Variants in C4orf51 observed in about 807,000 individuals in gnomAD.
C4orf51 encodes the protein chromosome 4 open reading frame 51.
In C4orf51, 25 loss-of-function variants were observed where a neutral mutation model predicts 25.2. The observed-to-expected ratio is 0.99, with a 90% CI of 0.72 to 1.39. The LOEUF (loss-of-function observed/expected upper bound fraction) is 1.39, where lower values mean the gene tolerates loss of function less well. C4orf51 is among the 40% of genes most tolerant of loss of function. The pLI is 0.00. For missense variants in C4orf51, 252 were observed against 239.6 expected (o/e 1.05, Z -0.34); for synonymous variants, 100 against 84.5 (o/e 1.18, Z -1.01).
intron 1 of C4orf51, among the ~76,000 whole-genome samples, chr4:145,738,498 C>A (rs1243272117): frequency 6.6e-6 from 1 of 151,574 alleles, no homozygotes; most frequent in Non-Finnish European, 1.5e-5. Context: ...ACACTCCCTT[C>A]TTTGGTGTTT....
the C4orf51 span, among the ~76,000 whole-genome samples, chr4:145,788,184 G>T: frequency 1.3e-5 from 2 of 152,082 alleles, no homozygotes; most frequent in Admixed American, 1.3e-4. Context: ...TTAGTGCTAG[G>T]TAACAGCTTA....
At chr4:145,764,806 C>T in intron 1 of C4orf51, 2 of 757,770 alleles carry the variant, frequency 2.6e-6, no homozygotes. Flanking sequence ...TCTGTTGACA[C>T]CCTAGGGGGA....
At chr4:145,788,321 T>C in the C4orf51 span, among the ~76,000 whole-genome samples, 1 of 152,202 alleles carries the variant, frequency 6.6e-6, no homozygotes, top group Admixed American at 6.5e-5. Context: ...AAATGGCTAG[T>C]ACTAGGTGCC....
intron 2 of C4orf51, among the ~76,000 whole-genome samples, chr4:145,723,678 A>G (rs1467262558): frequency 6.6e-6 from 1 of 152,264 alleles, no homozygotes; most frequent in African/African-American, 2.4e-5. Flanking sequence ...GTTGGTAATT[A>G]CAAAGATATT....
chr4:145,736,332 ACT>A (rs1371277356), downstream of C4orf51, among the ~76,000 whole-genome samples: 3 of 149,882 alleles, frequency 2.0e-5, no homozygotes, highest in African/African-American at 7.4e-5. Flanking sequence ...TGCTTTTGAA[ACT>A]CTTTCCTTCC....
In C4orf51 at chr4:145,765,865, G is replaced by T; in HGVS notation, n.167-5123G>T. ...CTGGGGGCACAGGCTCATGTCCCCAGCTCCCCCACTGCTGGGGGATCCCAG... is the reference window on the plus strand; with the variant it reads ...CTGGGGGCACAGGCTCATGTCCCCATCTCCCCCACTGCTGGGGGATCCCAG... On this transcript the variant is annotated intron_variant and non_coding_transcript_variant, in intron 1 of 1. Transcript: ENST00000510096. The surrounding 1 kb of genome is among the most constrained non-coding windows in gnomAD (Gnocchi z 4.7). 1.1e-6 allele frequency: 1 copy of T among 930,486 alleles called. No individual in the cohort carries two copies. The highest frequency in any genetic ancestry group is 1.6e-6 in the Non-Finnish European group (1 of 639,728). 57.6% of individuals were successfully genotyped at this position (930,486 alleles called of 1,614,324 possible). A position where few individuals can be genotyped will look rare whatever the true frequency, so the allele number is the denominator to read the frequency against.
downstream of C4orf51, among the ~76,000 whole-genome samples, chr4:145,756,348 C>CTAAT (rs1733951883): frequency 6.6e-6 from 1 of 152,098 alleles, no homozygotes; most frequent in Non-Finnish European, 1.5e-5. Flanking sequence ...GGAGAAATAT[C>CTAAT]TAATTGTGCT....
At chr4:145,702,891 T>G (rs867555422) in intron 2 of C4orf51, among the ~76,000 whole-genome samples, 34 of 151,814 alleles carry the variant, frequency 2.2e-4, no homozygotes, top group African/African-American at 8.2e-4. Context: ...CCCTTCAGCT[T>G]AATCTCTCCC....
chr4:145,683,692 C>T (rs938545682), intron 1 of C4orf51, among the ~76,000 whole-genome samples: 1 of 152,198 alleles, frequency 6.6e-6, no homozygotes, highest in African/African-American at 2.4e-5. Context: ...TAGACATCCA[C>T]ATGCCAAAAA....
At chr4:145,712,711 T>C (rs1044170998) in intron 2 of C4orf51, among the ~76,000 whole-genome samples, 2 of 152,220 alleles carry the variant, frequency 1.3e-5, no homozygotes, top group East Asian at 1.9e-4. Flanking sequence ...AAGACATAGC[T>C]AAGGTAATTA....
At chr4:145,770,563 ATAT>A (rs1388217685) in intron 1 of C4orf51, among the ~76,000 whole-genome samples, 2 of 151,628 alleles carry the variant, frequency 1.3e-5, no homozygotes, top group African/African-American at 2.4e-5. Flanking sequence ...ATTATAGAAA[ATAT>A]TATTATTCTA....
At chr4:145,701,517 G>A (rs1040566254) in intron 2 of C4orf51, among the ~76,000 whole-genome samples, 4 of 151,792 alleles carry the variant, frequency 2.6e-5, no homozygotes, top group South Asian at 2.1e-4. Context: ...CTGGAACTCT[G>A]GCCCAAGGCT....
At chr4:145,753,886 C>G (rs1271556884) in intron 1 of C4orf51, among the ~76,000 whole-genome samples, 1 of 152,206 alleles carries the variant, frequency 6.6e-6, no homozygotes, top group Non-Finnish European at 1.5e-5. Context: ...ATAACACACC[C>G]CCAATATGGG....
At chr4:145,746,895 G>A (rs1416181303) in intron 1 of C4orf51, among the ~76,000 whole-genome samples, 1 of 151,922 alleles carries the variant, frequency 6.6e-6, no homozygotes, top group Non-Finnish European at 1.5e-5. Flanking sequence ...TTGCATTAAG[G>A]TTTTATAATT....
chr4:145,772,249 T>G (rs958239883), downstream of C4orf51, among the ~76,000 whole-genome samples: 1 of 152,206 alleles, frequency 6.6e-6, no homozygotes, highest in Non-Finnish European at 1.5e-5. Flanking sequence ...TAGGGCCTGC[T>G]CCAGGTGCTG....
At chr4:145,779,169 T>C in the C4orf51 span, among the ~76,000 whole-genome samples, 1 of 152,264 alleles carries the variant, frequency 6.6e-6, no homozygotes, top group East Asian at 1.9e-4. Context: ...TCATCGGTCC[T>C]ACCTGGAACT....
Position 145,761,113 on chromosome 4 carries a change from ACCAGGAGCGGGGCCC to A in C4orf51, n.167-9872_167-9858del. The A allele has an allele frequency of 7.8e-7, 1 of 1,289,552 alleles. No homozygotes were observed. Among genetic ancestry groups the A allele is most frequent in the Non-Finnish European group, 1.0e-6 (1 of 988,700 alleles). The allele number at this position is 1,289,552 out of a possible 1,614,324, so 79.9% of individuals were successfully genotyped here. On this transcript the variant is annotated intron_variant and non_coding_transcript_variant, in intron 1 of 1. Coordinates refer to the C4orf51 transcript ENST00000510096. This position sits in a 1 kb window ranked among gnomAD's most constrained non-coding sequence, Gnocchi z 6.8. ...CAGGAGATTCCGGGAGCTCCCGACC[ACCAGGAGCGGGGCCC>A]CCGGGCCGGCCGGTTCCTTGGGGGC...
At chr4:145,685,352 T>G (rs935672169) in intron 1 of C4orf51, among the ~76,000 whole-genome samples, 1 of 152,182 alleles carries the variant, frequency 6.6e-6, no homozygotes, top group Admixed American at 6.5e-5. Flanking sequence ...CTGACTGTAG[T>G]AGGACAAGCC....
intron 2 of C4orf51, among the ~76,000 whole-genome samples, chr4:145,710,806 T>TG (rs1731091770): frequency 6.8e-6 from 1 of 146,844 alleles, no homozygotes; most frequent in Admixed American, 6.7e-5. Flanking sequence ...GGGTGTGGGG[T>TG]GGGGGTAGGG....
Sources: allele counts gnomAD v4.1 joint callset (sites outside exome capture counted in the v4.1 genomes callset), GRCh38; gene constraint gnomAD v4.1.1; non-coding constraint Gnocchi (gnomAD v3.1); transcripts MANE v1.5; gene names NCBI Gene and HGNC (gene_info 2026-07-23, HGNC 2026-07-21).